Variants in TMEM244 observed in about 807,000 individuals in gnomAD.
TMEM244 encodes the protein putative transmembrane protein 244.
Under a neutral mutation model 15.8 loss-of-function variants are expected in TMEM244, and 13 were observed. That is an observed-to-expected ratio of 0.82 (90% CI 0.53 to 1.30). The LOEUF (loss-of-function observed/expected upper bound fraction) is 1.30, where lower values mean the gene tolerates loss of function less well. Ranked by LOEUF, TMEM244 falls within the 50% of genes most tolerant of loss-of-function variation. The pLI is 0.00. For synonymous variants in TMEM244, 45 were observed against 48.7 expected (o/e 0.92, Z 0.32); for missense variants, 161 against 144.9 (o/e 1.11, Z -0.57).
intron 3 of TMEM244, among the ~76,000 whole-genome samples, chr6:129,841,358 G>A (rs112069430): frequency 5.3e-4 from 79 of 149,044 alleles, no homozygotes; most frequent in African/African-American, 1.9e-3. Flanking sequence ...TCACTCATAG[G>A]TGGGAGTTAA....
At chr6:129,849,034 TTGTAC>T (rs1345446132) in intron 1 of TMEM244, among the ~76,000 whole-genome samples, 3 of 152,102 alleles carry the variant, frequency 2.0e-5, no homozygotes, top group Non-Finnish European at 4.4e-5. Flanking sequence ...AACATGAGGA[TTGTAC>T]TACAAACCCA....
intron 3 of TMEM244, among the ~76,000 whole-genome samples, chr6:129,836,685 T>C (rs1776413397): frequency 6.6e-6 from 1 of 152,136 alleles, no homozygotes; most frequent in Non-Finnish European, 1.5e-5. Flanking sequence ...TGAAAAAAGA[T>C]TAGATGAATG....
At chr6:129,861,011 G>T (rs551628451) in intron 1 of TMEM244, 145 bp downstream of exon 1, 11 of 792,730 alleles carry the variant, frequency 1.4e-5, no homozygotes, top group Non-Finnish European at 2.3e-5. Flanking sequence ...GATGCAAGCC[G>T]TGCAGCAGAA....
chr6:129,858,641 T>C (rs2114648830), intron 1 of TMEM244, among the ~76,000 whole-genome samples: 1 of 152,296 alleles, frequency 6.6e-6, no homozygotes, highest in East Asian at 1.9e-4. Flanking sequence ...TTCTCCAGTC[T>C]CTAAAAGACA....
chr6:129,835,095 A>G (rs912485484), intron 3 of TMEM244, among the ~76,000 whole-genome samples: 2 of 152,200 alleles, frequency 1.3e-5, no homozygotes, highest in Non-Finnish European at 2.9e-5. Context: ...CTTTTACAGC[A>G]TAACAGTCAT....
In TMEM244 at chr6:129,861,201, C is replaced by G. The variant is rs749407993; in HGVS notation, c.-13G>C. On this transcript the variant is annotated 5_prime_UTR_variant, in exon 1 of 5. Transcript: ENST00000368143. ...CCTGGAGAGCCATGTACACATCCTA[C>G]GTCAAGGAGGTGATGAAAGCCCCAC... The G allele has an allele frequency of 1.2e-5, 20 of 1,613,426 alleles. No homozygotes were observed. In the Admixed American group the frequency reaches 3.2e-4, roughly 26 times the overall value.
intron 1 of TMEM244, among the ~76,000 whole-genome samples, chr6:129,851,242 A>G (rs1584190343): frequency 1.3e-5 from 2 of 151,922 alleles, no homozygotes; most frequent in Non-Finnish European, 2.9e-5. Flanking sequence ...CCCACCCAGA[A>G]GTTCACAATG....
Position 129,861,156 on chromosome 6 carries a change from C to T in TMEM244, c.33G>A (p.Lys11=), listed in dbSNP as rs1418814594. The T allele has an allele frequency of 1.9e-6, 3 of 1,613,656 alleles. No individual in the cohort carries two copies. Among genetic ancestry groups the T allele is most frequent in the South Asian group, 2.2e-5 (2 of 91,064 alleles). MALQVRVAPS[K]VVLQKFLLCV... is the part of the protein sequence containing the mutation. ...ATGCAAAGAAGTAATTTCTCTTTAC[C>T]TTGCTTGGAGCAACTCTGACCTGGA... is the stretch of plus-strand genomic sequence containing the variant. The change falls in exon 1 of 5, where the codon AAG becomes AAA. Residue 11 remains lysine (K), a splice_region_variant and synonymous_variant. Transcript: ENST00000368143.
At chr6:129,858,313 T>A (rs1248814742) in intron 1 of TMEM244, among the ~76,000 whole-genome samples, 1 of 152,210 alleles carries the variant, frequency 6.6e-6, no homozygotes, top group Admixed American at 6.5e-5. Flanking sequence ...TTTGAAGACT[T>A]AGGAGAATTC....
chr6:129,843,419 A>G (rs1776517332), intron 3 of TMEM244, 111 bp downstream of exon 3: 1 of 639,268 alleles, frequency 1.6e-6, no homozygotes, highest in Middle Eastern at 4.8e-4. Flanking sequence ...GATAAAATAC[A>G]TAGATGACTG....
chr6:129,843,356 A>G (rs1243816612), intron 3 of TMEM244, among the ~76,000 whole-genome samples, 174 bp downstream of exon 3: 1 of 152,120 alleles, frequency 6.6e-6, no homozygotes, highest in African/African-American at 2.4e-5. Context: ...CCTGCATGGA[A>G]TAACAACTTT....
intron 1 of TMEM244, among the ~76,000 whole-genome samples, chr6:129,858,986 G>T (rs1776759554): frequency 6.6e-6 from 1 of 152,022 alleles, no homozygotes; most frequent in Admixed American, 6.6e-5. Context: ...GTAGAGATGG[G>T]GTTTCACCAT....
chr6:129,852,189 T>C (rs1776644117), intron 1 of TMEM244, among the ~76,000 whole-genome samples: 1 of 152,210 alleles, frequency 6.6e-6, no homozygotes, highest in East Asian at 1.9e-4. Context: ...TATACCATTT[T>C]ATTTAAATTT....
intron 3 of TMEM244, among the ~76,000 whole-genome samples, chr6:129,834,122 G>C (rs1776367723): frequency 3.9e-5 from 6 of 152,216 alleles, no homozygotes; most frequent in Admixed American, 3.9e-4. Flanking sequence ...ATGGATGAAA[G>C]AAAGTCTCAT....
Position 129,833,528 on chromosome 6 carries a change from A to G in TMEM244, c.251T>C (p.Val84Ala), listed in dbSNP as rs1776359710. 3 of 1,613,280 alleles carry G rather than the reference A, an allele frequency of 1.9e-6. No individual in the cohort carries two copies. Among genetic ancestry groups the G allele is most frequent in the South Asian group, 1.1e-5 (1 of 90,986 alleles). The change falls in exon 4 of 5, where the codon GTT (valine) becomes GCT (alanine). Residue 84 changes from valine to alanine, a missense_variant. Coordinates refer to ENST00000368143, the MANE Select transcript of TMEM244 (RefSeq NM_001010876.2). ...YFVCGLFFVP[V>A]VEEWVWDYAI... ...ATAATCCCAAACCCATTCTTCCACA[A>G]CTGGAACAAAAAACAATCCACAAAC...
At position 129,857,745 on chromosome 6, in the gene TMEM244, T is replaced by C. The variant is rs1776735140; in HGVS notation, c.33+3411A>G. Reference sequence around the variant, plus strand: ...CTGTAAATGCCTCTAGTATTCTCCATTAAGTAATACACCAGCTTTAGGATT... The same window carrying C: ...CTGTAAATGCCTCTAGTATTCTCCACTAAGTAATACACCAGCTTTAGGATT... On this transcript the variant is annotated intron_variant, in intron 1 of 4. Coordinates refer to ENST00000368143, the MANE Select transcript of TMEM244 (RefSeq NM_001010876.2). Among the ~76,000 whole-genome samples, 8 of 151,878 alleles carry C rather than the reference T, an allele frequency of 5.3e-5. No homozygotes were observed. In the South Asian group the frequency reaches 1.7e-3, roughly 32 times the overall value.
chr6:129,851,115 A>G (rs1776632598), intron 1 of TMEM244, among the ~76,000 whole-genome samples: 1 of 152,120 alleles, frequency 6.6e-6, no homozygotes, highest in East Asian at 1.9e-4. Flanking sequence ...AGACTTGGAA[A>G]CTGAGACAAA....
intron 3 of TMEM244, among the ~76,000 whole-genome samples, chr6:129,838,375 C>A (rs1210116440): frequency 6.6e-6 from 1 of 152,174 alleles, no homozygotes; most frequent in Non-Finnish European, 1.5e-5. Flanking sequence ...TAAAGATGTT[C>A]TTTGAAACCA....
intron 1 of TMEM244, among the ~76,000 whole-genome samples, chr6:129,848,096 A>G (rs1776585927): frequency 6.6e-6 from 1 of 151,306 alleles, no homozygotes; most frequent in Non-Finnish European, 1.5e-5. Context: ...TTGTCTCTTA[A>G]TCTCTCCTCC....
Sources: allele counts gnomAD v4.1 joint callset (sites outside exome capture counted in the v4.1 genomes callset), GRCh38; gene constraint gnomAD v4.1.1; transcripts MANE v1.5; gene names NCBI Gene and HGNC (gene_info 2026-07-23, HGNC 2026-07-21).